SUB1: variants seen among roughly 807,000 people sequenced by gnomAD.
SUB1 encodes SUB1 regulator of transcription.
A neutral mutation model predicts 16.9 loss-of-function variants in SUB1; 1 was observed. That is an observed-to-expected ratio of 0.06 (90% CI 0.02 to 0.28). The LOEUF (loss-of-function observed/expected upper bound fraction) is 0.28. Among genes scored for constraint, SUB1 ranks in the 10% least tolerant of loss-of-function variants. SUB1 has a pLI of 1.00. For synonymous variants in SUB1, 51 were observed against 46.9 expected (o/e 1.09, Z -0.36); for missense variants, 84 against 145.2 (o/e 0.58, Z 2.16).
chr5:32,590,494 ATT>A (rs769991776), intron 2 of SUB1, among the ~76,000 whole-genome samples: 6 of 142,772 alleles, frequency 4.2e-5, no homozygotes, highest in Non-Finnish European at 1.5e-5. Flanking sequence ...GTCTACAATG[ATT>A]TTTTTTTTTT....
At chr5:32,596,400 C>G (rs193281322) in intron 3 of SUB1, 2 of 152,282 alleles carry the variant, frequency 1.3e-5, no homozygotes, top group East Asian at 1.9e-4. Context: ...GTGTGATTGT[C>G]TATTCTATCG....
intron 3 of SUB1, chr5:32,598,677 C>A: frequency 4.2e-6 from 1 of 239,104 alleles, no homozygotes; most frequent in Non-Finnish European, 8.0e-6. Context: ...TCATGACATA[C>A]CTAACTTTTT....
chr5:32,596,492 G>T (rs1738967730), intron 3 of SUB1: 1 of 152,106 alleles, frequency 6.6e-6, no homozygotes, highest in Non-Finnish European at 1.5e-5. Flanking sequence ...TTTTGCCAGT[G>T]TTTTTTCCTA....
chr5:32,592,102 C>G (rs1384653768), intron 3 of SUB1, among the ~76,000 whole-genome samples: 1 of 152,192 alleles, frequency 6.6e-6, no homozygotes, highest in African/African-American at 2.4e-5. Flanking sequence ...ATGTTACAAT[C>G]TTCTTAACTA....
At chr5:32,588,639 C>G (rs1738735896) in intron 2 of SUB1, 55 bp downstream of exon 2, 1 of 1,531,754 alleles carries the variant, frequency 6.5e-7, no homozygotes, top group Non-Finnish European at 8.9e-7. Flanking sequence ...TTGTCCATAT[C>G]CCATTCTGAA....
chr5:32,586,260 A>C (rs530428970), intron 1 of SUB1: 2 of 151,712 alleles, frequency 1.3e-5, no homozygotes, highest in African/African-American at 4.8e-5. Flanking sequence ...GGGCCGCGCG[A>C]CCCCTTCCCT....
At chr5:32,598,812 G>T (rs1390785891) in intron 3 of SUB1, 149 bp from the exon 4 acceptor site, 3 of 632,112 alleles carry the variant, frequency 4.7e-6, no homozygotes, top group Non-Finnish European at 8.3e-6. Context: ...GACCTGCACA[G>T]TTCAGAGCCA....
rs1459953315 is a variant in SUB1 at position 32,601,217 on chromosome 5, CT to C, written c.*141del. 94 of 688,820 alleles carry C rather than the reference CT, an allele frequency of 1.4e-4. No homozygotes were observed. Among genetic ancestry groups the C allele is most frequent in the Admixed American group, 1.6e-4 (5 of 30,774 alleles). 42.7% of individuals were successfully genotyped at this position (688,820 alleles called of 1,614,324 possible). A position where few individuals can be genotyped will look rare whatever the true frequency, so the allele number is the denominator to read the frequency against. On this transcript the variant is annotated 3_prime_UTR_variant, in exon 5 of 5. Transcript: ENST00000265073. ...TGCAGAAGAATTTGTAAGATGAATA[CT>C]TTTTTTTAATGTGCATTATTAAAAA...
intron 1 of SUB1, among the ~76,000 whole-genome samples, chr5:32,587,489 G>A (rs1328341213): frequency 6.6e-6 from 1 of 152,126 alleles, no homozygotes; most frequent in Non-Finnish European, 1.5e-5. Flanking sequence ...GAATTTGCGG[G>A]AAGGTTTTGC....
intron 3 of SUB1, chr5:32,596,086 C>G (rs982156325): frequency 6.6e-6 from 1 of 152,036 alleles, no homozygotes; most frequent in African/African-American, 2.4e-5. Flanking sequence ...TCAAAGCAAT[C>G]TAGTTCAAAA....
chr5:32,594,697 G>T (rs1738913893), intron 3 of SUB1: 3 of 423,312 alleles, frequency 7.1e-6, no homozygotes, highest in South Asian at 5.0e-5. Flanking sequence ...TCATAGGAGC[G>T]CGAACCCTAT....
In SUB1 at chr5:32,588,571, A is replaced by C. The variant is rs202015699; in HGVS notation, c.59A>C (p.Glu20Ala). 1 of 1,613,436 alleles carries C rather than the reference A, an allele frequency of 6.2e-7. No homozygotes were observed. Among genetic ancestry groups the C allele is most frequent in the East Asian group, 2.2e-5 (1 of 44,876 alleles). ...SSSSGSDSDS[E>A]VDKKLKRKKQ... is the part of the protein sequence containing the mutation. ...TCTTCTGGCAGTGATTCTGACAGTGAGGTTGACAAAAAGGTGACTACTGCT... is the reference window on the plus strand; with the variant it reads ...TCTTCTGGCAGTGATTCTGACAGTGCGGTTGACAAAAAGGTGACTACTGCT... Residue 20 changes from glutamate to alanine, a missense_variant, in exon 2 of 5, where the codon GAG (glutamate) becomes GCG (alanine). Transcript: ENST00000265073.
At chr5:32,595,359 A>AATCACTGATCTT (rs1738933188) in intron 3 of SUB1, 1 of 152,228 alleles carries the variant, frequency 6.6e-6, no homozygotes, top group African/African-American at 2.4e-5. Context: ...TGTCCTAGGT[A>AATCACTGATCTT]ATCACTGATC....
At chr5:32,600,587 G>A (rs990357571) in intron 4 of SUB1, among the ~76,000 whole-genome samples, 1 of 151,402 alleles carries the variant, frequency 6.6e-6, no homozygotes, top group Non-Finnish European at 1.5e-5. Flanking sequence ...CAGTATTGTA[G>A]CATTGTGTCC....
intron 1 of SUB1, chr5:32,586,167 T>TCGCCGCCTCCCA (rs1169550210): frequency 6.6e-6 from 1 of 152,264 alleles, no homozygotes; most frequent in Non-Finnish European, 1.5e-5. Flanking sequence ...TCTCCGCACT[T>TCGCCGCCTCCCA]CGCCGCCTCC....
chr5:32,598,842 G>C, intron 3 of SUB1, 119 bp from the exon 4 acceptor site: 1 of 733,520 alleles, frequency 1.4e-6, no homozygotes, highest in South Asian at 1.8e-5. Flanking sequence ...AGGGTCAGCA[G>C]TAGTCATTTT....
chr5:32,601,180 G>T lies in SUB1; in HGVS notation c.*96G>T, dbSNP rs535562493. ...TTTTCTAAATGTTCTCCAAGCTATT[G>T]TATGTTTGGATTGCAGAAGAATTTG... On this transcript the variant is annotated 3_prime_UTR_variant, in exon 5 of 5. Coordinates refer to ENST00000265073, the MANE Select transcript of SUB1 (RefSeq NM_006713.4). 49 of 984,284 alleles carry T rather than the reference G, an allele frequency of 5.0e-5. No homozygotes were observed. The South Asian group carries it at 6.7e-4, about 13-fold the overall frequency. The allele number at this position is 984,284 out of a possible 1,614,324, so 61.0% of individuals were successfully genotyped here.
At chr5:32,587,941 T>G (rs1002119938) in intron 1 of SUB1, among the ~76,000 whole-genome samples, 6 of 152,178 alleles carry the variant, frequency 3.9e-5, no homozygotes, top group Admixed American at 1.3e-4. Flanking sequence ...ACTCTTGAAT[T>G]AGTACCTGTC....
chr5:32,598,056 TTTTTTATTTTTA>T (rs57838226), intron 3 of SUB1: 3 of 149,806 alleles, frequency 2.0e-5, no homozygotes, highest in Admixed American at 6.7e-5. Context: ...GCAATTCAAC[TTTTTTATTTTTA>T]TTTTTATTTT....
Sources: allele counts gnomAD v4.1 joint callset (sites outside exome capture counted in the v4.1 genomes callset), GRCh38; gene constraint gnomAD v4.1.1; transcripts MANE v1.5; gene names NCBI Gene and HGNC (gene_info 2026-07-23, HGNC 2026-07-21).